Variants in CCDC73 observed in about 807,000 individuals in gnomAD.
CCDC73 encodes coiled-coil domain containing 73.
CCDC73 carries 95 observed loss-of-function variants against 116.5 expected under a neutral mutation model. That is an observed-to-expected ratio of 0.82 (90% CI 0.69 to 0.97). The LOEUF (loss-of-function observed/expected upper bound fraction) is 0.97. CCDC73 is among the 50% of genes least tolerant of loss of function. The pLI, the probability that CCDC73 is intolerant of heterozygous loss-of-function variation, is 0.00. For missense variants in CCDC73, 1,066 were observed against 1,206.8 expected (o/e 0.88, Z 1.73); for synonymous variants, 398 against 401.3 (o/e 0.99, Z 0.10).
intron 7 of CCDC73, among the ~76,000 whole-genome samples, chr11:32,677,283 T>G (rs1856097948): frequency 6.6e-6 from 1 of 152,212 alleles, no homozygotes; most frequent in Admixed American, 6.5e-5. Flanking sequence ...TTGAAATACT[T>G]TTTCTTCATT....
At chr11:32,805,407 T>C in the CCDC73 span, among the ~76,000 whole-genome samples, 1 of 152,312 alleles carries the variant, frequency 6.6e-6, no homozygotes, top group South Asian at 2.1e-4. Flanking sequence ...CCCTGTGACA[T>C]TAATAAGCAT....
In CCDC73 at chr11:32,700,835, C is replaced by G. The variant is rs1441527103; in HGVS notation, c.280-9G>C. The G allele has an allele frequency of 2.1e-6, 3 of 1,423,570 alleles. No individual in the cohort carries two copies. In the African/African-American group the frequency reaches 4.3e-5, roughly 21 times the overall value. The allele number at this position is 1,423,570 out of a possible 1,614,324, so 88.2% of individuals were successfully genotyped here. A position where few individuals can be genotyped will look rare whatever the true frequency, so the allele number is the denominator to read the frequency against. On this transcript the variant is annotated splice_polypyrimidine_tract_variant and intron_variant, in intron 4 of 17. Coordinates refer to ENST00000335185, the MANE Select transcript of CCDC73 (RefSeq NM_001008391.4). ...CACATCTTCATCTGCAACTGATAAA[C>G]AATTTTAAAAATTAAAATAAAGGGA...
chr11:32,629,523 T>C (rs1355886180), intron 14 of CCDC73, among the ~76,000 whole-genome samples: 1 of 151,734 alleles, frequency 6.6e-6, no homozygotes, highest in African/African-American at 2.4e-5. Flanking sequence ...CCTCAGCCTA[T>C]TGAGTAGCTG....
chr11:32,615,691 G>T (rs1855467233), intron 15 of CCDC73, among the ~76,000 whole-genome samples: 1 of 152,078 alleles, frequency 6.6e-6, no homozygotes, highest in Admixed American at 6.6e-5. Flanking sequence ...CAAGATGGAA[G>T]AATTAATAAA....
chr11:32,678,484 A>G (rs1157308777), intron 7 of CCDC73, among the ~76,000 whole-genome samples: 1 of 152,222 alleles, frequency 6.6e-6, no homozygotes, highest in African/African-American at 2.4e-5. Flanking sequence ...ATAAAGCACT[A>G]AAAAGCAAAG....
chr11:32,791,771 A>G (rs1850678623), intron 1 of CCDC73, among the ~76,000 whole-genome samples: 1 of 152,162 alleles, frequency 6.6e-6, no homozygotes, highest in Non-Finnish European at 1.5e-5. Flanking sequence ...GACCAGACTC[A>G]GCAACATGGT....
Position 32,611,178 on chromosome 11 carries a change from T to C in CCDC73, c.2984A>G (p.Asn995Ser). The C allele has an allele frequency of 3.1e-6, 5 of 1,613,972 alleles. No individual in the cohort carries two copies. In the South Asian group the frequency reaches 5.5e-5, roughly 18 times the overall value. Reference sequence around the variant, plus strand: ...ATCATAAAAAGTCTTTGCCATTGCATTCTTCTCTTCACTGGGTTCTCCCTT... The same window carrying C: ...ATCATAAAAAGTCTTTGCCATTGCACTCTTCTCTTCACTGGGTTCTCCCTT... ...DPKGEPSEEK[N>S]AMAKTFYDSS... is the part of the protein sequence containing the mutation. The change falls in exon 17 of 18, where the codon AAT becomes AGT. Residue 995 changes from asparagine (N) to serine (S), a missense_variant. Transcript: ENST00000335185.
At chr11:32,625,168 T>C (rs1855558595) in intron 14 of CCDC73, among the ~76,000 whole-genome samples, 1 of 152,236 alleles carries the variant, frequency 6.6e-6, no homozygotes, top group Non-Finnish European at 1.5e-5. Flanking sequence ...TGAGCCTATG[T>C]GTGTCTCTGC....
chr11:32,673,787 C>A (rs962789922), intron 9 of CCDC73, among the ~76,000 whole-genome samples: 1 of 152,056 alleles, frequency 6.6e-6, no homozygotes, highest in Non-Finnish European at 1.5e-5. Flanking sequence ...CAAAGGTGCA[C>A]GAAGGATATA....
chr11:32,690,213 T>C (rs1329726382), intron 6 of CCDC73, among the ~76,000 whole-genome samples: 3 of 152,110 alleles, frequency 2.0e-5, no homozygotes, highest in Non-Finnish European at 1.5e-5. Flanking sequence ...ACAAAATAAC[T>C]CTTAAATTAT....
chr11:32,754,154 T>C (rs537958968), intron 2 of CCDC73, among the ~76,000 whole-genome samples: 1 of 152,332 alleles, frequency 6.6e-6, no homozygotes, highest in East Asian at 1.9e-4. Context: ...CTTAAATATA[T>C]AACTTTAGAA....
chr11:32,611,109 G>A (rs753145269), intron 17 of CCDC73, 23 bp downstream of exon 17: 140 of 1,612,136 alleles, frequency 8.7e-5, no homozygotes, highest in East Asian at 3.3e-4. Context: ...AGGTCTGCTC[G>A]GCAATATTTT....
intron 9 of CCDC73, among the ~76,000 whole-genome samples, chr11:32,661,495 C>T (rs1056616147): frequency 6.8e-6 from 1 of 147,124 alleles, no homozygotes; most frequent in African/African-American, 2.5e-5. Context: ...GTTCCCCTTC[C>T]TGTGTCCAAG....
At chr11:32,700,360 G>A (rs1849801208) in intron 5 of CCDC73, among the ~76,000 whole-genome samples, 1 of 152,186 alleles carries the variant, frequency 6.6e-6, no homozygotes, top group Non-Finnish European at 1.5e-5. Flanking sequence ...TATCCCCTTT[G>A]CCAGTTGGTC....
chr11:32,611,430 C>T (rs1345991761), intron 16 of CCDC73, among the ~76,000 whole-genome samples, 165 bp from the exon 17 acceptor site: 1 of 152,174 alleles, frequency 6.6e-6, no homozygotes, highest in African/African-American at 2.4e-5. Context: ...TTAAATTAGG[C>T]ATTTCATTTC....
chr11:32,760,239 T>C lies in CCDC73; in HGVS notation c.5A>G (p.Glu2Gly). M[E>G]SNFNTESSST... Reference sequence around the variant, plus strand: ...TGATGACTCAGTATTGAAGTTGCTTTCCATATTAATATTTATTTCCTGTAA... The same window carrying C: ...TGATGACTCAGTATTGAAGTTGCTTCCCATATTAATATTTATTTCCTGTAA... The change falls in exon 2 of 18, where the codon GAA (glutamate) becomes GGA (glycine). Residue 2 changes from glutamate to glycine, a missense_variant. Transcript: ENST00000335185. The C allele has an allele frequency of 6.5e-7, 1 of 1,547,862 alleles. No individual in the cohort carries two copies. The highest frequency in any genetic ancestry group is 8.8e-7 in the Non-Finnish European group (1 of 1,141,158).
At position 32,653,019 on chromosome 11, in the gene CCDC73, TCTCAATAAAA is replaced by T. The variant is rs1248379177; in HGVS notation, c.939+94_939+103del. ...ATCTTACCCCTAGAATTCAAAATAATCTCAATAAAACTGGACAGAAAAATAAACTAAACAG... is the reference window on the plus strand; with the variant it reads ...ATCTTACCCCTAGAATTCAAAATAATCTGGACAGAAAAATAAACTAAACAG... On this transcript the variant is annotated intron_variant, in intron 12 of 17. Coordinates refer to ENST00000335185, the MANE Select transcript of CCDC73 (RefSeq NM_001008391.4). 30 of 620,130 alleles carry T rather than the reference TCTCAATAAAA, an allele frequency of 4.8e-5. 1 individual carries two copies. The East Asian group carries it at 7.3e-4, about 15-fold the overall frequency. 38.4% of individuals were successfully genotyped at this position (620,130 alleles called of 1,614,324 possible). A position where few individuals can be genotyped will look rare whatever the true frequency, so the allele number is the denominator to read the frequency against.
chr11:32,747,752 C>T (rs12288379), intron 2 of CCDC73, among the ~76,000 whole-genome samples: 1,819 of 152,296 alleles, frequency 0.012, 35 homozygotes, highest in African/African-American at 0.041. Flanking sequence ...TTGGACCTGC[C>T]GAGACAGGCA....
chr11:32,739,949 T>C (rs943583856), intron 2 of CCDC73, among the ~76,000 whole-genome samples: 11 of 152,146 alleles, frequency 7.2e-5, no homozygotes, highest in African/African-American at 2.7e-4. Context: ...AGTTATATGT[T>C]TGTCCTTCAT....
Sources: allele counts gnomAD v4.1 joint callset (sites outside exome capture counted in the v4.1 genomes callset), GRCh38; gene constraint gnomAD v4.1.1; transcripts MANE v1.5; gene names NCBI Gene and HGNC (gene_info 2026-07-23, HGNC 2026-07-21).